The following C2CD2 variants were observed in gnomAD, a reference collection of about 807,000 sequenced individuals.
C2CD2 encodes C2 domain-containing protein 2.
A neutral mutation model predicts 74.3 loss-of-function variants in C2CD2; 43 were observed. The ratio of observed to expected loss-of-function variants is 0.58; its 90% CI spans 0.45 to 0.75. C2CD2 has a LOEUF of 0.75. Ranked by LOEUF, C2CD2 falls within the 30% of genes least tolerant of loss-of-function variation. The pLI is 0.00. For missense variants in C2CD2, 801 were observed against 916.3 expected (o/e 0.87, Z 1.63); for synonymous variants, 422 against 390.7 (o/e 1.08, Z -0.94).
intron 13 of C2CD2, among the ~76,000 whole-genome samples, chr21:41,889,588 G>A (rs936715609): frequency 8.6e-5 from 13 of 152,016 alleles, no homozygotes; most frequent in Admixed American, 3.3e-4. Flanking sequence ...CTGAACTATC[G>A]CTTGATATCC....
At chr21:41,932,401 A>T (rs1191785569) in intron 2 of C2CD2, among the ~76,000 whole-genome samples, 1 of 147,068 alleles carries the variant, frequency 6.8e-6, no homozygotes, top group Non-Finnish European at 1.5e-5. Context: ...CTCTAGTAAA[A>T]TATGTGAACC....
rs1315657020 is a variant in C2CD2 at position 41,907,742 on chromosome 21, T to C, written c.1061A>G (p.Lys354Arg). ...GAAGCTCTGTGGCCCAGAAGGCTGC[T>C]TCTTAAATAAGTCCAGAGGAACTGT... ...TATVPLDLFK[K>R]QPSGPQSFTL... The change falls in exon 9 of 14, where the codon AAG (lysine) becomes AGG (arginine). Residue 354 changes from lysine (K) to arginine (R), a missense_variant. Physicochemically the swap from Lys to Arg is conservative, Grantham distance 26. Transcript: ENST00000380486. The C allele has an allele frequency of 6.2e-7, 1 of 1,613,788 alleles. No individual in the cohort carries two copies. Among genetic ancestry groups the C allele is most frequent in the East Asian group, 2.2e-5 (1 of 44,872 alleles).
intron 2 of C2CD2, among the ~76,000 whole-genome samples, chr21:41,938,163 A>ATG (rs2065324107): frequency 6.7e-6 from 1 of 148,666 alleles, no homozygotes; most frequent in African/African-American, 2.6e-5. Context: ...GCCATTCCAC[A>ATG]CGTGTATATA....
At chr21:41,894,857 GGTGGTT>G (rs993877430) in intron 13 of C2CD2, 12 of 456,652 alleles carry the variant, frequency 2.6e-5, no homozygotes, top group African/African-American at 2.4e-4. Flanking sequence ...GCCGCCCCAT[GGTGGTT>G]GTGAGGGTCA....
intron 7 of C2CD2, 65 bp from the exon 8 acceptor site, chr21:41,909,588 AGT>A: frequency 9.1e-7 from 1 of 1,097,590 alleles, no homozygotes. Flanking sequence ...TATGAAATAG[AGT>A]GTTTTTTCTG....
chr21:41,947,159 T>TCC (rs1569084437), intron 1 of C2CD2, among the ~76,000 whole-genome samples: 2 of 121,296 alleles, frequency 1.6e-5, no homozygotes, highest in African/African-American at 3.2e-5. Flanking sequence ...CCTCCCTCCC[T>TCC]CTCTCCTTCT....
chr21:41,909,102 T>C (rs2064997841), intron 8 of C2CD2, among the ~76,000 whole-genome samples: 1 of 152,352 alleles, frequency 6.6e-6, no homozygotes, highest in South Asian at 2.1e-4. Context: ...TTTATGTTGT[T>C]TATCTTACTA....
At position 41,912,362 on chromosome 21, in the gene C2CD2, G is replaced by A. The variant is rs755868537; in HGVS notation, c.923C>T (p.Pro308Leu). ...GAATTCCTCTTCCCACATGAGGTCC[G>A]GAGTGTTTTTCGTCAGGGTGCTGGA... ...RFSSTLTKNT[P>L]DLMWEEEFTF... The change falls in exon 7 of 14, where the codon CCG becomes CTG. Residue 308 changes from proline to leucine, a missense_variant. Pro to Leu is a moderately conservative substitution (Grantham distance 98, BLOSUM62 -3). Coordinates refer to ENST00000380486, the MANE Select transcript of C2CD2 (RefSeq NM_015500.2). 3.0e-5 allele frequency: 48 copies of A among 1,611,908 alleles called. No homozygotes were observed. The highest frequency in any genetic ancestry group is 1.3e-4 in the East Asian group (6 of 44,872).
At chr21:41,897,430 G>A (rs1209338621) in intron 13 of C2CD2, among the ~76,000 whole-genome samples, 1 of 152,154 alleles carries the variant, frequency 6.6e-6, no homozygotes, top group African/African-American at 2.4e-5. Flanking sequence ...ATAGGCCACA[G>A]GTGTGTGTGT....
intron 4 of C2CD2, among the ~76,000 whole-genome samples, chr21:41,918,452 G>A (rs1161929457): frequency 6.6e-6 from 1 of 152,258 alleles, no homozygotes; most frequent in East Asian, 1.9e-4. Flanking sequence ...CACCGTGGGA[G>A]AGAGGGCCTG....
In C2CD2 at chr21:41,926,433, C is replaced by T; in HGVS notation, c.379-4348G>A. On this transcript the variant is annotated intron_variant, in intron 2 of 13. Transcript: ENST00000380486. The surrounding 1 kb of genome is among the most constrained non-coding windows in gnomAD (Gnocchi z 8.0). ...GCAGGTGAGGGTTTGGGTCGGGGAG[C>T]CCTGGGCAGCAGATGGAAGCACCAC... 8.2e-6 allele frequency: 8 copies of T among 980,930 alleles called. No homozygotes were observed. The highest frequency in any genetic ancestry group is 8.5e-6 in the Non-Finnish European group (7 of 826,230). 60.8% of individuals were successfully genotyped at this position (980,930 alleles called of 1,614,324 possible).
At chr21:41,900,959 C>T (rs1040543999) in intron 12 of C2CD2, 1 of 152,342 alleles carries the variant, frequency 6.6e-6, no homozygotes, top group Non-Finnish European at 1.5e-5. Context: ...TAGCCAGTCT[C>T]ATAACAAATT....
intron 1 of C2CD2, among the ~76,000 whole-genome samples, chr21:41,947,220 C>T (rs1188842452): frequency 4.8e-5 from 7 of 144,894 alleles, no homozygotes; most frequent in Admixed American, 3.5e-4. Flanking sequence ...TGCAATGGCG[C>T]GATCTCGGCT....
chr21:41,894,995 C>T lies in C2CD2; in HGVS notation c.1870+4058G>A, dbSNP rs368119156. ...GCTGTGTCAACCTGGCTGCAGCACCCGGAGATTCAACAGAACACGCACTGA... is the reference window on the plus strand; with the variant it reads ...GCTGTGTCAACCTGGCTGCAGCACCTGGAGATTCAACAGAACACGCACTGA... On this transcript the variant is annotated intron_variant, in intron 13 of 13. Transcript: ENST00000380486. 37 of 456,120 alleles carry T rather than the reference C, an allele frequency of 8.1e-5. 2 individuals carry two copies. Among genetic ancestry groups the T allele is most frequent in the South Asian group, 2.5e-4 (16 of 64,514 alleles). The allele number at this position is 456,120 out of a possible 1,614,324, so 28.3% of individuals were successfully genotyped here.
At chr21:41,950,412 C>A (rs2065440702) in intron 1 of C2CD2, among the ~76,000 whole-genome samples, 1 of 152,180 alleles carries the variant, frequency 6.6e-6, no homozygotes, top group Non-Finnish European at 1.5e-5. Context: ...ATAATTTAGA[C>A]CCCTTTCTGG....
chr21:41,931,715 C>T lies in C2CD2; in HGVS notation c.379-9630G>A, dbSNP rs189439322. Among the ~76,000 whole-genome samples, 913 of 150,512 alleles carry T rather than the reference C, an allele frequency of 6.1e-3. 13 individuals are homozygous for T. Among genetic ancestry groups the T allele is most frequent in the African/African-American group, 0.021 (862 of 41,476 alleles). The stretch of plus-strand genomic sequence containing the variant: ...GGATTACAAGCGTGAGCCACCATGC[C>T]TGGCCAAGTGTCTTTTATATGCTGA... On this transcript the variant is annotated intron_variant, in intron 2 of 13. Coordinates refer to ENST00000380486, the MANE Select transcript of C2CD2 (RefSeq NM_015500.2).
chr21:41,890,945 GA>G (rs1484282311), intron 13 of C2CD2, among the ~76,000 whole-genome samples: 1 of 152,202 alleles, frequency 6.6e-6, no homozygotes. Context: ...CAGAAACTGA[GA>G]AGATGAAAGG....
At position 41,953,327 on chromosome 21, in the gene C2CD2, C is replaced by G. The variant is rs777801710; in HGVS notation, c.279+43G>C. ...AAAGACCTCGGCCCGGACCGCCCGC[C>G]CCGGCATCTGCCGCCCCCCGGCCCG... On this transcript the variant is annotated intron_variant, in intron 1 of 13. Coordinates refer to ENST00000380486, the MANE Select transcript of C2CD2 (RefSeq NM_015500.2). 8.3e-6 allele frequency: 11 copies of G among 1,322,918 alleles called. No individual in the cohort carries two copies. The African/African-American group carries it at 1.7e-4, about 21-fold the overall frequency. 81.9% of individuals were successfully genotyped at this position (1,322,918 alleles called of 1,614,324 possible).
Position 41,907,595 on chromosome 21 carries a change from T to G in C2CD2, c.1143+65A>C. 5.8e-6 allele frequency: 9 copies of G among 1,557,394 alleles called. 1 individual carries two copies. The South Asian group carries it at 9.4e-5, about 16-fold the overall frequency. The stretch of plus-strand genomic sequence containing the variant: ...AGGAGTGAGACTCTGCAGACATAAG[T>G]GAAGACGCTCCTTGGGTAAGTGCCC... On this transcript the variant is annotated intron_variant, in intron 9 of 13. Coordinates refer to ENST00000380486, the MANE Select transcript of C2CD2 (RefSeq NM_015500.2).
Sources: gnomAD v4.1 joint callset for allele counts (sites outside exome capture counted in the v4.1 genomes callset) on GRCh38, gnomAD v4.1.1 for gene constraint, Gnocchi (gnomAD v3.1) non-coding constraint, MANE v1.5 for transcripts, NCBI Gene and HGNC (gene_info 2026-07-23, HGNC 2026-07-21) for gene names.